KCTD17: variants seen among roughly 807,000 people sequenced by gnomAD.
KCTD17 encodes the protein potassium channel tetramerization domain containing 17.
A neutral mutation model predicts 41.5 loss-of-function variants in KCTD17; 20 were observed. The ratio of observed to expected loss-of-function variants is 0.48; its 90% CI spans 0.34 to 0.70. KCTD17 has a LOEUF of 0.70. Ranked by LOEUF, KCTD17 falls within the 30% of genes least tolerant of loss-of-function variation. The pLI is 0.01. For synonymous variants in KCTD17, 156 were observed against 173.8 expected, an observed-to-expected ratio of 0.90 and a Z score of 0.80; for missense variants, 317 against 427.2, an observed-to-expected ratio of 0.74 and a Z score of 2.27.
At position 37,056,419 on chromosome 22, in the gene KCTD17, G is replaced by A; in HGVS notation, c.390+8G>A. 12 of 1,610,810 alleles carry A rather than the reference G, an allele frequency of 7.4e-6. No homozygotes were observed. Among genetic ancestry groups the A allele is most frequent in the South Asian group, 1.1e-5 (1 of 90,796 alleles). Reference sequence around the variant, plus strand: ...GACTACACGGTCACCCAGGTCGGGAGCAGGGGCAGCACACACGGCCAGGGC... The same window carrying A: ...GACTACACGGTCACCCAGGTCGGGAACAGGGGCAGCACACACGGCCAGGGC... On this transcript the variant is annotated splice_region_variant and intron_variant, in intron 3 of 8. Transcript: ENST00000403888.
chr22:37,060,492 C>T (rs1925649981), intron 5 of KCTD17, among the ~76,000 whole-genome samples: 1 of 152,182 alleles, frequency 6.6e-6, no homozygotes, highest in Admixed American at 6.5e-5. Context: ...CCAAACAAGG[C>T]CTTCCCAGGC....
rs1044996343 is a variant in KCTD17, at chr22:37,053,959, T to G, written c.298+751T>G. On this transcript the variant is annotated intron_variant, in intron 2 of 8. Transcript: ENST00000403888. The surrounding 1 kb of genome is among the most constrained non-coding windows in gnomAD (Gnocchi z 4.1). Reference sequence around the variant, plus strand: ...GTCAGCTGATCCAGCCAGACCAGCTTGAATATGTCACTTCTCCTCACTGCG... The same window carrying G: ...GTCAGCTGATCCAGCCAGACCAGCTGGAATATGTCACTTCTCCTCACTGCG... Among the ~76,000 whole-genome samples the G allele has an allele frequency of 2.6e-5, 4 of 152,124 alleles. No individual in the cohort carries two copies. Among genetic ancestry groups the G allele is most frequent in the Admixed American group, 1.3e-4 (2 of 15,282 alleles).
rs779033898 is a variant in KCTD17 at position 37,059,813 on chromosome 22, G to A, written c.612+375G>A. Among the ~76,000 whole-genome samples, 151 of 152,332 alleles carry A rather than the reference G, an allele frequency of 9.9e-4. 1 individual carries two copies. The highest frequency in any genetic ancestry group is 3.4e-3 in the Middle Eastern group (1 of 294). The stretch of plus-strand genomic sequence containing the variant: ...ACCTTTGCTGCACTCTCTGAAGTGA[G>A]AGGGGAGGATCACATACTCTTTGTA... On this transcript the variant is annotated intron_variant, in intron 5 of 8. Coordinates refer to ENST00000403888, the MANE Select transcript of KCTD17 (RefSeq NM_001282684.2).
chr22:37,056,246 G>C, intron 2 of KCTD17, 74 bp from the exon 3 acceptor site: 1 of 1,331,138 alleles, frequency 7.5e-7, no homozygotes, highest in Non-Finnish European at 1.0e-6. Flanking sequence ...GTGGGTTTCG[G>C]GGTGGAGGGA....
chr22:37,052,040 G>C (rs977042233), intron 1 of KCTD17, 91 bp downstream of exon 1: 476 of 1,274,682 alleles, frequency 3.7e-4, no homozygotes, highest in Middle Eastern at 3.3e-3. Context: ...GCCAGGCTGG[G>C]GACCCGGCCG....
chr22:37,060,679 C>A, intron 5 of KCTD17, 144 bp from the exon 6 acceptor site: 1 of 1,268,184 alleles, frequency 7.9e-7, no homozygotes, highest in Non-Finnish European at 1.0e-6. Context: ...AAGATGCCCC[C>A]AGCTTCTGTG....
At chr22:37,059,582 C>A in intron 5 of KCTD17, 144 bp downstream of exon 5, 1 of 939,490 alleles carries the variant, frequency 1.1e-6, no homozygotes. Flanking sequence ...ACAGCCACCG[C>A]CATCCATCCC....
In KCTD17 at chr22:37,062,509, C is replaced by G; in HGVS notation, c.876-16C>G. ...GCCCCTCCCATCCTCCTGCCCTTCC[C>G]CTCTTTTTTTTCTAGCTGTTACAAG... On this transcript the variant is annotated splice_polypyrimidine_tract_variant and intron_variant, in intron 8 of 8. Coordinates refer to ENST00000403888, the MANE Select transcript of KCTD17 (RefSeq NM_001282684.2). The G allele has an allele frequency of 6.2e-7, 1 of 1,611,990 alleles. No homozygotes were observed. Among genetic ancestry groups the G allele is most frequent in the South Asian group, 1.1e-5 (1 of 90,712 alleles).
chr22:37,061,862 G>T lies in KCTD17; in HGVS notation c.875+233G>T. 3.0e-6 allele frequency: 3 copies of T among 985,446 alleles called. No individual in the cohort carries two copies. Among genetic ancestry groups the T allele is most frequent in the Non-Finnish European group, 3.6e-6 (3 of 829,926 alleles). The allele number at this position is 985,446 out of a possible 1,614,324, so 61.0% of individuals were successfully genotyped here. On this transcript the variant is annotated intron_variant, in intron 8 of 8. Transcript: ENST00000403888. The surrounding 1 kb of genome is among the most constrained non-coding windows in gnomAD (Gnocchi z 6.6). ...TGGTGGGGAGGGAGGGACCGCTGAA[G>T]CCAGAGGCCCTGGCCAAGTCCCTGC... is the stretch of plus-strand genomic sequence containing the variant.
At position 37,059,351 on chromosome 22, in the gene KCTD17, G is replaced by A. The variant is rs1275803205; in HGVS notation, c.525G>A (p.Glu175=). ...NIGSSYNYGS[E]DQAEFLCVVS... ...GCTCCTCCTACAACTACGGCAGCGA[G>A]GACCAGGCAGAGTTCCTGTGTGTGG... is the stretch of plus-strand genomic sequence containing the variant. Residue 175 remains glutamate, a synonymous_variant, in exon 5 of 9, where the codon GAG becomes GAA. Coordinates refer to ENST00000403888, the MANE Select transcript of KCTD17 (RefSeq NM_001282684.2). 1 of 1,613,266 alleles carries A rather than the reference G, an allele frequency of 6.2e-7. No individual in the cohort carries two copies. Among genetic ancestry groups the A allele is most frequent in the Non-Finnish European group, 8.5e-7 (1 of 1,179,854 alleles).
At chr22:37,057,525 C>T in intron 4 of KCTD17, 32 bp downstream of exon 4, 1 of 1,571,336 alleles carries the variant, frequency 6.4e-7, no homozygotes, top group Non-Finnish European at 8.7e-7. Flanking sequence ...GCCACCAGGA[C>T]AACCCTGGGA....
At position 37,061,898 on chromosome 22, in the gene KCTD17, G is replaced by T. The variant is rs1925843970; in HGVS notation, c.875+269G>T. ...TGGCCAAGTCCCTGCACATCCAGGA[G>T]CTCCTGTGTCACTGCCTTGTGGCAT... On this transcript the variant is annotated intron_variant, in intron 8 of 8. Transcript: ENST00000403888. This position sits in a 1 kb window ranked among gnomAD's most constrained non-coding sequence, Gnocchi z 6.6. 8.1e-6 allele frequency: 8 copies of T among 985,314 alleles called. No individual in the cohort carries two copies. Among genetic ancestry groups the T allele is most frequent in the African/African-American group, 3.5e-5 (2 of 57,238 alleles). 61.0% of individuals were successfully genotyped at this position (985,314 alleles called of 1,614,324 possible). A position where few individuals can be genotyped will look rare whatever the true frequency, so the allele number is the denominator to read the frequency against.
chr22:37,059,850 C>T (rs1479213993), intron 5 of KCTD17, among the ~76,000 whole-genome samples: 1 of 152,176 alleles, frequency 6.6e-6, no homozygotes, highest in African/African-American at 2.4e-5. Context: ...TGCCTTGGAG[C>T]CTGGAACTTC....
Position 37,059,310 on chromosome 22 carries a change from T to C in KCTD17, c.487-3T>C. ...TTTTTCTCCCCATGCTCCGCCCCTC[T>C]AGCTGGTGAACATCGGCTCCTCCTA... On this transcript the variant is annotated splice_polypyrimidine_tract_variant and splice_region_variant and intron_variant, in intron 4 of 8. Coordinates refer to ENST00000403888, the MANE Select transcript of KCTD17 (RefSeq NM_001282684.2). 1 of 1,612,326 alleles carries C rather than the reference T, an allele frequency of 6.2e-7. No individual in the cohort carries two copies. Among genetic ancestry groups the C allele is most frequent in the Non-Finnish European group, 8.5e-7 (1 of 1,179,816 alleles).
intron 2 of KCTD17, 89 bp from the exon 3 acceptor site, chr22:37,056,231 G>A (rs1452709544): frequency 1.5e-5 from 17 of 1,102,358 alleles, no homozygotes; most frequent in South Asian, 3.0e-5. Context: ...TGATCAGAGC[G>A]AGAGGTGGGT....
At chr22:37,059,474 T>C in intron 5 of KCTD17, 36 bp downstream of exon 5, 5 of 1,577,110 alleles carry the variant, frequency 3.2e-6, no homozygotes, top group Non-Finnish European at 4.3e-6. Context: ...TCCGGAGAAG[T>C]CTCCTGTCTC....
intron 3 of KCTD17, 49 bp downstream of exon 3, chr22:37,056,460 G>C: frequency 6.9e-7 from 1 of 1,441,958 alleles, no homozygotes; most frequent in Non-Finnish European, 9.7e-7. Context: ...CCAGTGGGGA[G>C]AGAGAGGCTG....
Position 37,062,507 on chromosome 22 carries a change from C to T in KCTD17, c.876-18C>T. ...CCGCCCCTCCCATCCTCCTGCCCTTCCCCTCTTTTTTTTCTAGCTGTTACA... is the reference window on the plus strand; with the variant it reads ...CCGCCCCTCCCATCCTCCTGCCCTTTCCCTCTTTTTTTTCTAGCTGTTACA... On this transcript the variant is annotated intron_variant, in intron 8 of 8. Coordinates refer to ENST00000403888, the MANE Select transcript of KCTD17 (RefSeq NM_001282684.2). 1 of 1,607,384 alleles carries T rather than the reference C, an allele frequency of 6.2e-7. No homozygotes were observed. Among genetic ancestry groups the T allele is most frequent in the Non-Finnish European group, 8.5e-7 (1 of 1,176,832 alleles).
In KCTD17 at chr22:37,053,667, GGTGACT is replaced by G; in HGVS notation, c.298+462_298+467del. Among the ~76,000 whole-genome samples the G allele has an allele frequency of 6.6e-6, 1 of 152,302 alleles. No homozygotes were observed. The highest frequency in any genetic ancestry group is 1.9e-4 in the East Asian group (1 of 5,188). On this transcript the variant is annotated intron_variant, in intron 2 of 8. Transcript: ENST00000403888. This position sits in a 1 kb window ranked among gnomAD's most constrained non-coding sequence, Gnocchi z 4.1. ...TGAGGGCTTGTAAGTGGGTGGAGCGGGTGACTGTTCACTAAGTCTGGCAGCCTGTGC... is the reference window on the plus strand; with the variant it reads ...TGAGGGCTTGTAAGTGGGTGGAGCGGGTTCACTAAGTCTGGCAGCCTGTGC...
Sources: allele counts gnomAD v4.1 joint callset (sites outside exome capture counted in the v4.1 genomes callset), GRCh38; gene constraint gnomAD v4.1.1; non-coding constraint Gnocchi (gnomAD v3.1); transcripts MANE v1.5; gene names NCBI Gene and HGNC (gene_info 2026-07-23, HGNC 2026-07-21).